Variants in RELL1 observed in about 807,000 individuals in gnomAD.
RELL1 encodes the protein RELT like 1.
RELL1 carries 10 observed loss-of-function variants against 23.0 expected under a neutral mutation model. The observed-to-expected ratio is 0.43, with a 90% CI of 0.27 to 0.74. The LOEUF (loss-of-function observed/expected upper bound fraction) is 0.74, where lower values mean the gene tolerates loss of function less well. RELL1 is among the 30% of genes least tolerant of loss of function. The pLI is 0.19. For synonymous variants in RELL1, 146 were observed against 146.8 expected, an observed-to-expected ratio of 0.99 and a Z score of 0.04; for missense variants, 315 against 364.4, an observed-to-expected ratio of 0.86 and a Z score of 1.10.
downstream of RELL1, among the ~76,000 whole-genome samples, chr4:37,606,179 A>T (rs1454382781): frequency 3.5e-5 from 5 of 140,876 alleles, no homozygotes; most frequent in Non-Finnish European, 7.8e-5. The surrounding 1 kb of genome is among the most constrained non-coding windows in gnomAD (Gnocchi z 4.1). Flanking sequence ...AAAAGGAGAA[A>T]GAAGAAAGAA....
intron 1 of RELL1, among the ~76,000 whole-genome samples, chr4:37,683,937 CA>C (rs1407241224): frequency 4.0e-5 from 6 of 151,726 alleles, no homozygotes; most frequent in African/African-American, 1.5e-4. Context: ...AAAAATTAGC[CA>C]GGCATGGTGG....
chr4:37,595,527 G>A (rs1297852710), intron 6 of RELL1, among the ~76,000 whole-genome samples: 4 of 152,146 alleles, frequency 2.6e-5, no homozygotes, highest in African/African-American at 9.7e-5. Flanking sequence ...TTCCCGGTCT[G>A]GTTGGGGAGA....
intron 1 of RELL1, among the ~76,000 whole-genome samples, chr4:37,652,363 C>A (rs892138271): frequency 1.3e-5 from 2 of 152,192 alleles, no homozygotes; most frequent in African/African-American, 2.4e-5. Flanking sequence ...ATAAATACAT[C>A]CCTAAATATA....
Position 37,634,883 on chromosome 4 carries a change from T to C in RELL1, c.680+4A>G. 6.2e-7 allele frequency: 1 copy of C among 1,613,970 alleles called. No homozygotes were observed. The highest frequency in any genetic ancestry group is 8.5e-7 in the Non-Finnish European group (1 of 1,179,794). The stretch of plus-strand genomic sequence containing the variant: ...CAAACCAAAAGCATCTGAAGGGATC[T>C]TACCTGCCAACAGAAAGGACCGTGA... On this transcript the variant is annotated splice_donor_region_variant and intron_variant, in intron 5 of 6. Transcript: ENST00000454158.
At chr4:37,658,668 A>G (rs980527741) in intron 1 of RELL1, among the ~76,000 whole-genome samples, 1 of 152,220 alleles carries the variant, frequency 6.6e-6, no homozygotes, top group Non-Finnish European at 1.5e-5. Flanking sequence ...TACGTAAAAC[A>G]CGACTTGTAA....
chr4:37,665,718 G>A (rs1461218373), intron 1 of RELL1, among the ~76,000 whole-genome samples: 1 of 152,212 alleles, frequency 6.6e-6, no homozygotes, highest in Admixed American at 6.5e-5. Flanking sequence ...GTCTCCAGTA[G>A]CAACGGGAAG....
At chr4:37,598,096 A>ATATATATATATATATATAT (rs1718921519) in intron 6 of RELL1, among the ~76,000 whole-genome samples, 1 of 36,822 alleles carries the variant, frequency 2.7e-5, no homozygotes, top group African/African-American at 7.4e-5. Context: ...TATATATATA[A>ATATATATATATATATATAT]CTCCTCCTAT....
intron 1 of RELL1, among the ~76,000 whole-genome samples, chr4:37,654,837 T>G (rs17605536): frequency 0.048 from 7,370 of 152,212 alleles, 475 homozygotes; most frequent in East Asian, 0.32. Flanking sequence ...ATTCAAAACC[T>G]TACATGCAAT....
chr4:37,649,219 G>T, intron 2 of RELL1, 57 bp downstream of exon 2: 1 of 1,352,854 alleles, frequency 7.4e-7, no homozygotes, highest in Non-Finnish European at 1.0e-6. Context: ...TATATCACTG[G>T]TTTCATATTT....
chr4:37,685,949 A>C (rs2109323439), intron 1 of RELL1, among the ~76,000 whole-genome samples: 1 of 152,292 alleles, frequency 6.6e-6, no homozygotes, highest in East Asian at 1.9e-4. Flanking sequence ...GCTGGGGAAC[A>C]CAGATCCTCG....
downstream of RELL1, among the ~76,000 whole-genome samples, chr4:37,608,568 G>A (rs28832026): frequency 0.11 from 16,997 of 152,068 alleles, 1,038 homozygotes; most frequent in Middle Eastern, 0.19. Context: ...AAGTGAGGAA[G>A]CTGCAGAAAA....
rs535560514 is a variant in RELL1, at chr4:37,611,991, C to T, written c.*1355G>A. On this transcript the variant is annotated 3_prime_UTR_variant, in exon 7 of 7. Coordinates refer to ENST00000454158, the MANE Select transcript of RELL1 (RefSeq NM_001085400.2). ...GAGATCGAGACCATCTTCGCTAATG[C>T]GGTGAAACCCCGTCTCTCCTAAAAA... Among the ~76,000 whole-genome samples the T allele has an allele frequency of 6.4e-4, 97 of 150,796 alleles. No homozygotes were observed. The highest frequency in any genetic ancestry group is 2.2e-3 in the African/African-American group (92 of 41,082).
In RELL1 at chr4:37,672,246, CA is replaced by C. The variant is rs1018823607; in HGVS notation, c.88+13953del. 2.8e-4 allele frequency among the ~76,000 whole-genome samples: 43 copies of C among 152,234 alleles called. 1 individual carries two copies. Among genetic ancestry groups the C allele is most frequent in the African/African-American group, 9.6e-4 (40 of 41,540 alleles). On this transcript the variant is annotated intron_variant, in intron 1 of 6. Coordinates refer to ENST00000454158, the MANE Select transcript of RELL1 (RefSeq NM_001085400.2). ...GTAATCACATGGTTGGTTCCTCCGG[CA>C]ACTAGTCCCCATCCCGTAGCTACCT...
At chr4:37,596,740 T>A (rs866113226) in intron 6 of RELL1, among the ~76,000 whole-genome samples, 375 of 27,422 alleles carry the variant, frequency 0.014, no homozygotes, top group African/African-American at 0.035. Flanking sequence ...ATATATATTT[T>A]TTTTTTTTTT....
intron 3 of RELL1, among the ~76,000 whole-genome samples, chr4:37,644,160 A>G (rs1159013293): frequency 6.6e-6 from 1 of 152,176 alleles, no homozygotes; most frequent in African/African-American, 2.4e-5. Context: ...TACTTTCCAA[A>G]AGGAAAACAA....
intron 1 of RELL1, among the ~76,000 whole-genome samples, chr4:37,652,044 T>C (rs947795340): frequency 6.6e-6 from 1 of 152,178 alleles, no homozygotes; most frequent in African/African-American, 2.4e-5. Flanking sequence ...GTCCCCAGTT[T>C]ACAAAGTGAC....
chr4:37,605,288 G>A (rs1331279521), intron 6 of RELL1, among the ~76,000 whole-genome samples: 1 of 152,152 alleles, frequency 6.6e-6, no homozygotes, highest in Admixed American at 6.6e-5. Flanking sequence ...GGGCCTAGTA[G>A]CTGTGACATC....
At position 37,611,204 on chromosome 4, in the gene RELL1, C is replaced by CA. The variant is rs1463049206; in HGVS notation, c.*2141dup. ...CCATTTTGAGGGCATATTTTTAAAG[C>CA]AAAAAAGTATGCTTATTTGTTTTTA... On this transcript the variant is annotated 3_prime_UTR_variant, in exon 7 of 7. Transcript: ENST00000454158. 6.6e-5 allele frequency among the ~76,000 whole-genome samples: 10 copies of CA among 151,904 alleles called. No homozygotes were observed. Among genetic ancestry groups the CA allele is most frequent in the African/African-American group, 2.4e-4 (10 of 41,376 alleles).
chr4:37,618,161 T>C (rs898348465), intron 6 of RELL1, among the ~76,000 whole-genome samples: 3 of 152,196 alleles, frequency 2.0e-5, no homozygotes, highest in Admixed American at 6.5e-5. Flanking sequence ...TTTCATCTAA[T>C]AATATACAGT....
Sources: allele counts gnomAD v4.1 joint callset (sites outside exome capture counted in the v4.1 genomes callset), GRCh38; gene constraint gnomAD v4.1.1; non-coding constraint Gnocchi (gnomAD v3.1); transcripts MANE v1.5; gene names NCBI Gene and HGNC (gene_info 2026-07-23, HGNC 2026-07-21).